The following CACNA2D3 variants were observed in gnomAD, a reference collection of about 807,000 sequenced individuals.
The protein encoded by CACNA2D3 is voltage-dependent calcium channel subunit alpha-2/delta-3.
A neutral mutation model predicts 160.6 loss-of-function variants in CACNA2D3; 60 were observed. That is an observed-to-expected ratio of 0.37 (90% CI 0.30 to 0.46). CACNA2D3 has a LOEUF of 0.46. CACNA2D3 is among the 20% of genes least tolerant of loss of function. The pLI is 1.00. For missense variants in CACNA2D3, 1,205 were observed against 1,365.0 expected, an observed-to-expected ratio of 0.88 and a Z score of 1.85; for synonymous variants, 558 against 492.9, an observed-to-expected ratio of 1.13 and a Z score of -1.75.
chr3:54,139,457 A>G (rs1169107373), intron 2 of CACNA2D3, among the ~76,000 whole-genome samples: 1 of 152,174 alleles, frequency 6.6e-6, no homozygotes, highest in Non-Finnish European at 1.5e-5. Flanking sequence ...GGCAGAAATG[A>G]CATAGCATTT....
chr3:55,074,244 T>C lies in CACNA2D3; in HGVS notation c.*38T>C. 1 of 1,372,448 alleles carries C rather than the reference T, an allele frequency of 7.3e-7. No individual in the cohort carries two copies. Among genetic ancestry groups the C allele is most frequent in the African/African-American group, 1.4e-5 (1 of 69,568 alleles). 85.0% of individuals were successfully genotyped at this position (1,372,448 alleles called of 1,614,324 possible). On this transcript the variant is annotated 3_prime_UTR_variant, in exon 38 of 38. Transcript: ENST00000474759. Reference sequence around the variant, plus strand: ...TGTTCTCTTACTGACTGAGATGTTCTCTTGGCATGCTAAATCATGGATAAA... The same window carrying C: ...TGTTCTCTTACTGACTGAGATGTTCCCTTGGCATGCTAAATCATGGATAAA...
rs916288098 is a variant in CACNA2D3 at position 54,915,960 on chromosome 3, G to A, written c.2449+16092G>A. 3.9e-5 allele frequency among the ~76,000 whole-genome samples: 6 copies of A among 152,156 alleles called. No individual in the cohort carries two copies. The East Asian group carries it at 7.7e-4, about 20-fold the overall frequency. On this transcript the variant is annotated intron_variant, in intron 27 of 37. Coordinates refer to ENST00000474759, the MANE Select transcript of CACNA2D3 (RefSeq NM_018398.3). ...GTTGACAAGCAAGGATTCTAGTCAC[G>A]TTCAGGGTTTTCTGTGGTGGATCAG...
intron 4 of CACNA2D3, among the ~76,000 whole-genome samples, chr3:54,495,633 C>A: frequency 6.6e-6 from 1 of 152,128 alleles, no homozygotes; most frequent in East Asian, 1.9e-4. Flanking sequence ...CTTGTTATCC[C>A]AGCCACTTGG....
Position 54,901,536 on chromosome 3 carries a change from T to C in CACNA2D3, c.2449+1668T>C, listed in dbSNP as rs1700333128. ...CCAGTCTATTGTCGAGTTGCATCGC[T>C]GGCCATAGACCACAGGCAGGTCACG... On this transcript the variant is annotated intron_variant, in intron 27 of 37. Coordinates refer to ENST00000474759, the MANE Select transcript of CACNA2D3 (RefSeq NM_018398.3). 2.0e-5 allele frequency among the ~76,000 whole-genome samples: 3 copies of C among 152,152 alleles called. No homozygotes were observed. In the South Asian group the frequency reaches 6.2e-4, roughly 32 times the overall value.
intron 4 of CACNA2D3, among the ~76,000 whole-genome samples, chr3:54,410,967 G>A (rs909762978): frequency 1.3e-5 from 2 of 152,194 alleles, no homozygotes; most frequent in African/African-American, 4.8e-5. Context: ...ACAAGAATTT[G>A]TCAGAGTCTA....
At chr3:54,612,389 A>G (rs1698763588) in intron 9 of CACNA2D3, among the ~76,000 whole-genome samples, 1 of 152,102 alleles carries the variant, frequency 6.6e-6, no homozygotes. Context: ...TCTACCTGGA[A>G]TCAGAAGCAG....
At chr3:54,460,824 T>C (rs138753803) in intron 4 of CACNA2D3, among the ~76,000 whole-genome samples, 6,889 of 152,062 alleles carry the variant, frequency 0.045, 392 homozygotes, top group African/African-American at 0.14. Context: ...TGAATAGGAG[T>C]GGTGAGAGAG....
intron 2 of CACNA2D3, among the ~76,000 whole-genome samples, chr3:54,163,426 CATTCTCT>C (rs1203409960): frequency 2.6e-5 from 4 of 152,208 alleles, no homozygotes; most frequent in Non-Finnish European, 5.9e-5. Flanking sequence ...AAGGACCTGC[CATTCTCT>C]GGGAGACTGC....
intron 4 of CACNA2D3, among the ~76,000 whole-genome samples, chr3:54,468,504 C>T (rs1700669031): frequency 6.6e-6 from 1 of 152,188 alleles, no homozygotes; most frequent in Non-Finnish European, 1.5e-5. Flanking sequence ...AATGGGGCAG[C>T]CGTTTGGTCA....
At chr3:54,754,925 G>A (rs1269403648) in intron 12 of CACNA2D3, among the ~76,000 whole-genome samples, 3 of 152,132 alleles carry the variant, frequency 2.0e-5, no homozygotes, top group Admixed American at 6.5e-5. Context: ...TGGTAGGAAG[G>A]GAAGCTTGGG....
intron 2 of CACNA2D3, among the ~76,000 whole-genome samples, chr3:54,217,467 T>C (rs1353776430): frequency 2.6e-5 from 4 of 152,122 alleles, no homozygotes; most frequent in Non-Finnish European, 5.9e-5. Context: ...AAAAAGTGTC[T>C]TTGGAGGTGT....
chr3:54,625,979 G>A (rs193135069), intron 9 of CACNA2D3, among the ~76,000 whole-genome samples: 4 of 152,262 alleles, frequency 2.6e-5, no homozygotes, highest in African/African-American at 7.2e-5. Flanking sequence ...GTGTTAGGGC[G>A]TGGTAAGAGA....
chr3:54,656,200 G>A (rs2106872785), intron 11 of CACNA2D3, among the ~76,000 whole-genome samples: 1 of 152,324 alleles, frequency 6.6e-6, no homozygotes, highest in Non-Finnish European at 1.5e-5. Context: ...ACTTGGCATG[G>A]TAGATTTGGG....
At position 54,290,379 on chromosome 3, in the gene CACNA2D3, G is replaced by A. The variant is rs142533784; in HGVS notation, c.205-30063G>A. On this transcript the variant is annotated intron_variant, in intron 2 of 37. Transcript: ENST00000474759. Reference sequence around the variant, plus strand: ...TTGAGATACCATCTCACACCGGTTAGAATGGCGGTCATTAAAAAGTCAGGA... The same window carrying A: ...TTGAGATACCATCTCACACCGGTTAAAATGGCGGTCATTAAAAAGTCAGGA... Among the ~76,000 whole-genome samples, 1,022 of 152,300 alleles carry A rather than the reference G, an allele frequency of 6.7e-3. 10 individuals are homozygous for A. The highest frequency in any genetic ancestry group is 0.024 in the African/African-American group (990 of 41,552).
intron 13 of CACNA2D3, chr3:54,789,901 G>A (rs1419540462): frequency 1.9e-6 from 1 of 513,356 alleles, no homozygotes; most frequent in East Asian, 5.5e-5. Context: ...TGTTTCAGGG[G>A]TCAGAGCCCA....
intron 2 of CACNA2D3, among the ~76,000 whole-genome samples, chr3:54,246,679 G>T (rs1702087019): frequency 1.3e-5 from 2 of 150,810 alleles, no homozygotes; most frequent in South Asian, 2.1e-4. Context: ...AGCTGAGATT[G>T]CACTATTGCA....
At chr3:55,065,058 G>T (rs1009971160) in intron 35 of CACNA2D3, among the ~76,000 whole-genome samples, 1 of 152,088 alleles carries the variant, frequency 6.6e-6, no homozygotes, top group Admixed American at 6.5e-5. Flanking sequence ...ACTCTAATTA[G>T]CCTGCTCTGA....
chr3:55,045,598 T>C (rs1704059475), intron 35 of CACNA2D3, among the ~76,000 whole-genome samples: 2 of 152,226 alleles, frequency 1.3e-5, no homozygotes, highest in Non-Finnish European at 2.9e-5. Context: ...AAGTTAGCTA[T>C]TATTTCTTGA....
intron 23 of CACNA2D3, among the ~76,000 whole-genome samples, chr3:54,886,764 G>A (rs1457100826): frequency 6.6e-6 from 1 of 151,564 alleles, no homozygotes; most frequent in Non-Finnish European, 1.5e-5. Flanking sequence ...TGTGTATAAA[G>A]TATATATGTA....
Sources: gnomAD v4.1 joint callset for allele counts (sites outside exome capture counted in the v4.1 genomes callset) on GRCh38, gnomAD v4.1.1 for gene constraint, MANE v1.5 for transcripts, NCBI Gene and HGNC (gene_info 2026-07-23, HGNC 2026-07-21) for gene names.